The following TRPM1 variants were observed in gnomAD, a reference collection of about 807,000 sequenced individuals.
The protein encoded by TRPM1 is transient receptor potential cation channel subfamily M member 1, also known as TRPM1-203 APA Isoform, Intron 10.
In TRPM1, 113 loss-of-function variants were observed where a neutral mutation model predicts 149.4. That is an observed-to-expected ratio of 0.76 (90% CI 0.65 to 0.88). The LOEUF (loss-of-function observed/expected upper bound fraction) is 0.88, where lower values mean the gene tolerates loss of function less well. Ranked by LOEUF, TRPM1 falls within the 40% of genes least tolerant of loss-of-function variation. The pLI is 0.00. For missense variants in TRPM1, 1,976 were observed against 2,038.7 expected, an observed-to-expected ratio of 0.97 and a Z score of 0.59; for synonymous variants, 741 against 759.5, an observed-to-expected ratio of 0.98 and a Z score of 0.40.
intron 1 of TRPM1, among the ~76,000 whole-genome samples, chr15:31,089,264 T>C (rs2035145027): frequency 6.6e-6 from 1 of 150,800 alleles, no homozygotes; most frequent in East Asian, 1.9e-4. Context: ...TTTCTGAGGG[T>C]TGGCAATGGT....
intron 1 of TRPM1, among the ~76,000 whole-genome samples, chr15:31,148,915 T>A (rs2036256958): frequency 6.6e-6 from 1 of 152,056 alleles, no homozygotes. Flanking sequence ...GCACCAGGTC[T>A]CCTCCTCCCC....
At chr15:31,064,931 A>T in intron 7 of TRPM1, 1 of 448,806 alleles carries the variant, frequency 2.2e-6, no homozygotes, top group East Asian at 5.7e-5. Flanking sequence ...CCAAGCAAGG[A>T]TTGATATTTT....
At chr15:31,157,508 C>G (rs1383084546) in intron 1 of TRPM1, among the ~76,000 whole-genome samples, 3 of 152,124 alleles carry the variant, frequency 2.0e-5, no homozygotes, top group East Asian at 3.8e-4. Context: ...AACTTTGACT[C>G]TTGACTTTAT....
chr15:31,150,439 T>C (rs1312872881), intron 1 of TRPM1, among the ~76,000 whole-genome samples: 2 of 146,374 alleles, frequency 1.4e-5, no homozygotes, highest in African/African-American at 5.0e-5. Context: ...TTTCCTTTTT[T>C]TTTTTTTTTT....
chr15:31,032,006 GTTTT>G (rs57762904), intron 22 of TRPM1, among the ~76,000 whole-genome samples: 2,449 of 122,756 alleles, frequency 0.02, 30 homozygotes, highest in Middle Eastern at 0.034. Context: ...ATCAGGCGGG[GTTTT>G]TTTTTTTTTT....
chr15:31,047,879 G>A lies in TRPM1; in HGVS notation c.1623+10C>T. 3 of 1,610,332 alleles carry A rather than the reference G, an allele frequency of 1.9e-6. No individual in the cohort carries two copies. The highest frequency in any genetic ancestry group is 2.5e-6 in the Non-Finnish European group (3 of 1,176,494). The stretch of plus-strand genomic sequence containing the variant: ...GCCAACAGGTAAGAATTGTAAAACA[G>A]TAGACTGACCTTTTTCACATCCCTC... On this transcript the variant is annotated intron_variant, in intron 14 of 27. Transcript: ENST00000256552.
At chr15:31,145,478 A>G (rs533893823) in intron 1 of TRPM1, among the ~76,000 whole-genome samples, 2 of 152,356 alleles carry the variant, frequency 1.3e-5, no homozygotes, top group East Asian at 3.9e-4. Flanking sequence ...TCAAACCTAA[A>G]TAGTTACAGG....
At chr15:31,043,346 C>A (rs185692421) in intron 16 of TRPM1, among the ~76,000 whole-genome samples, 167 of 152,270 alleles carry the variant, frequency 1.1e-3, no homozygotes, top group Non-Finnish European at 2.0e-3. Flanking sequence ...GTGCCCGCCA[C>A]CACGCCCGGC....
chr15:31,028,458 A>G lies in TRPM1; in HGVS notation c.3167T>C (p.Leu1056Pro). 6.2e-7 allele frequency: 1 copy of G among 1,614,146 alleles called. No homozygotes were observed. The highest frequency in any genetic ancestry group is 1.1e-5 in the South Asian group (1 of 91,068). Residue 1056 changes from leucine to proline, a missense_variant, in exon 25 of 28, where the codon CTA becomes CCA. By Grantham distance (98) the Leu-to-Pro change is moderately conservative. Around this residue, in one of 3 missense-constraint regions of TRPM1, gnomAD observed 1,332 missense variants for 1,347.1 expected, o/e 0.99. Transcript: ENST00000256552. ...MEINPPCGEN[L>P]YDEEGKRLPP... ...AAGCCGCTTGCCCTCCTCATCATAT[A>G]GGTTCTCACCACAAGGAGCTGAAAG...
At chr15:31,101,734 G>A (rs2035522539), upstream of TRPM1, 9 of 985,922 alleles carry the variant, frequency 9.1e-6, no homozygotes, top group South Asian at 2.8e-4. Flanking sequence ...GGAGCTGGGT[G>A]AGGAGGGCCC....
chr15:31,104,112 C>T (rs944171144), upstream of TRPM1, among the ~76,000 whole-genome samples: 1 of 152,148 alleles, frequency 6.6e-6, no homozygotes, highest in Non-Finnish European at 1.5e-5. Flanking sequence ...AAGAACACCA[C>T]CGTGAAGGGT....
At chr15:31,044,345 G>A (rs1471688505) in intron 16 of TRPM1, among the ~76,000 whole-genome samples, 1 of 151,766 alleles carries the variant, frequency 6.6e-6, no homozygotes, top group Non-Finnish European at 1.5e-5. Context: ...GTATATGGAA[G>A]AAACAAATAC....
chr15:31,043,485 C>A (rs190935281), intron 16 of TRPM1, among the ~76,000 whole-genome samples: 6 of 152,332 alleles, frequency 3.9e-5, no homozygotes, highest in Non-Finnish European at 8.8e-5. Flanking sequence ...AGCCACCACG[C>A]CCGGCCACGA....
intron 24 of TRPM1, among the ~76,000 whole-genome samples, chr15:31,028,767 C>G (rs2032917296): frequency 6.6e-6 from 1 of 151,452 alleles, no homozygotes; most frequent in African/African-American, 2.4e-5. Context: ...AAAAAAAAAA[C>G]AACTCACACA....
intron 1 of TRPM1, among the ~76,000 whole-genome samples, chr15:31,142,738 G>A (rs923547415): frequency 6.6e-6 from 1 of 151,820 alleles, no homozygotes; most frequent in South Asian, 2.1e-4. Context: ...ACTAACTTTT[G>A]GACACTCCAG....
chr15:31,085,869 T>A (rs1596054501), intron 1 of TRPM1, among the ~76,000 whole-genome samples: 1 of 152,182 alleles, frequency 6.6e-6, no homozygotes, highest in East Asian at 1.9e-4. Flanking sequence ...CTTCTCATTT[T>A]TTACCACTGG....
intron 1 of TRPM1, among the ~76,000 whole-genome samples, chr15:31,088,759 A>C (rs2035096215): frequency 6.8e-6 from 1 of 147,496 alleles, no homozygotes; most frequent in Non-Finnish European, 1.5e-5. Context: ...ACCTGTGGGA[A>C]CGTTCCCAAC....
At chr15:31,105,876 G>A (rs553155677), upstream of TRPM1, among the ~76,000 whole-genome samples, 6 of 152,332 alleles carry the variant, frequency 3.9e-5, no homozygotes, top group Admixed American at 2.6e-4. Flanking sequence ...ATTATTATGT[G>A]TCTAGTGAGC....
intron 1 of TRPM1, among the ~76,000 whole-genome samples, chr15:31,081,687 A>G (rs1177998741): frequency 6.6e-6 from 1 of 151,788 alleles, no homozygotes; most frequent in Non-Finnish European, 1.5e-5. Flanking sequence ...AGCCCCCTTC[A>G]GTTCTCTGCT....
Sources: gnomAD v4.1 joint callset for allele counts (sites outside exome capture counted in the v4.1 genomes callset) on GRCh38, gnomAD v4.1.1 for gene constraint, gnomAD v4.1.1 regional missense constraint, MANE v1.5 for transcripts, NCBI Gene and HGNC (gene_info 2026-07-23, HGNC 2026-07-21) for gene names.